PRKAA1: variants seen among roughly 807,000 people sequenced by gnomAD.
PRKAA1 encodes the protein 5'-AMP-activated protein kinase catalytic subunit alpha-1.
PRKAA1 carries 23 observed loss-of-function variants against 56.9 expected under a neutral mutation model. The observed-to-expected ratio is 0.40, with a 90% CI of 0.29 to 0.57. The LOEUF is 0.57. PRKAA1 is among the 20% of genes least tolerant of loss of function. The pLI is 0.39. For missense variants in PRKAA1, 413 were observed against 679.7 expected (o/e 0.61, Z 4.36); for synonymous variants, 226 against 227.0 (o/e 1.00, Z 0.04).
intron 2 of PRKAA1, 118 bp downstream of exon 2, chr5:40,777,327 T>A (rs1744056847): frequency 8.1e-7 from 1 of 1,231,888 alleles, no homozygotes; most frequent in Non-Finnish European, 1.1e-6. Flanking sequence ...AAGAAACTTT[T>A]CAAAACCCTT....
intron 1 of PRKAA1, among the ~76,000 whole-genome samples, chr5:40,796,111 G>A (rs1466604542): frequency 2.6e-5 from 4 of 152,158 alleles, no homozygotes; most frequent in African/African-American, 4.8e-5. Flanking sequence ...GAGGTCAGGA[G>A]TTCGAGACCA....
intron 4 of PRKAA1, among the ~76,000 whole-genome samples, chr5:40,770,926 T>G (rs912113261): frequency 4.6e-5 from 7 of 152,066 alleles, no homozygotes; most frequent in African/African-American, 1.7e-4. Context: ...AAATGTTCTT[T>G]AAACAAATTA....
At chr5:40,787,667 G>C (rs1466241716) in intron 1 of PRKAA1, among the ~76,000 whole-genome samples, 1 of 151,448 alleles carries the variant, frequency 6.6e-6, no homozygotes, top group Admixed American at 6.6e-5. Context: ...TAAGCCACAG[G>C]GTAACTACAA....
chr5:40,790,632 G>A (rs537398036), intron 1 of PRKAA1, among the ~76,000 whole-genome samples: 60 of 151,516 alleles, frequency 4.0e-4, no homozygotes, highest in African/African-American at 1.3e-3. Flanking sequence ...CTCTGCCTCC[G>A]GGGTTCAAGC....
chr5:40,768,479 C>T, intron 5 of PRKAA1: 4 of 928,622 alleles, frequency 4.3e-6, no homozygotes, highest in Non-Finnish European at 5.1e-6. Flanking sequence ...TTAAGATAGA[C>T]AACACCATTT....
At chr5:40,785,849 G>GAA (rs1744454341) in intron 1 of PRKAA1, among the ~76,000 whole-genome samples, 2 of 28,778 alleles carry the variant, frequency 6.9e-5, no homozygotes, top group East Asian at 8.2e-4. Flanking sequence ...CAGAGAGAGA[G>GAA]AGAGAGAGAG....
chr5:40,786,719 G>T (rs528037181), intron 1 of PRKAA1, among the ~76,000 whole-genome samples: 1 of 138,080 alleles, frequency 7.2e-6, no homozygotes, highest in African/African-American at 2.7e-5. Context: ...GGCAGGCAGA[G>T]CACTTGAGGT....
At position 40,762,449 on chromosome 5, in the gene PRKAA1, A is replaced by C; in HGVS notation, c.*329T>G. The C allele has an allele frequency of 4.5e-6, 1 of 223,098 alleles. No individual in the cohort carries two copies. Among genetic ancestry groups the C allele is most frequent in the East Asian group, 1.0e-4 (1 of 9,630 alleles). 13.8% of individuals were successfully genotyped at this position (223,098 alleles called of 1,614,324 possible). A position where few individuals can be genotyped will look rare whatever the true frequency, so the allele number is the denominator to read the frequency against. On this transcript the variant is annotated 3_prime_UTR_variant, in exon 9 of 9. Coordinates refer to ENST00000397128, the MANE Select transcript of PRKAA1 (RefSeq NM_006251.6). ...AACACGTAATATATAACACGTAATAATATATGAAGGCCTTTATGTAAATTA... is the reference window on the plus strand; with the variant it reads ...AACACGTAATATATAACACGTAATACTATATGAAGGCCTTTATGTAAATTA...
Position 40,764,788 on chromosome 5 carries a change from T to C in PRKAA1, c.1272A>G (p.Val424=), listed in dbSNP as rs746513733. 6.2e-7 allele frequency: 1 copy of C among 1,613,928 alleles called. No individual in the cohort carries two copies. Among genetic ancestry groups the C allele is most frequent in the Non-Finnish European group, 8.5e-7 (1 of 1,179,772 alleles). Residue 424 remains valine, a synonymous_variant, in exon 7 of 9, where the codon GTA becomes GTG. Transcript: ENST00000397128. ...QSRPNDIMAE[V]CRAIKQLDYE... ...AATCCAATTGTTTGATTGCTCTACA[T>C]ACTTCTGCCATAATATCATTTGGTC...
At position 40,762,977 on chromosome 5, in the gene PRKAA1, G is replaced by A. The variant is rs377722592; in HGVS notation, c.1481C>T (p.Ser494Leu). ...AGATCGATAGTTGCTAACTGATCCC[G>A]ATCTCTGTGGAGTAGCAGTCCCTGA... is the stretch of plus-strand genomic sequence containing the variant. The part of the protein sequence containing the change: ...AKSGTATPQR[S>L]GSVSNYRSCQ... Residue 494 changes from serine (S) to leucine (L), a missense_variant, in exon 9 of 9, where the codon TCG becomes TTG. Physicochemically the swap from Ser to Leu is moderately radical, Grantham distance 145. Around this residue, in one of 9 missense-constraint regions of PRKAA1, gnomAD observed 139 missense variants for 171.5 expected, o/e 0.81. Coordinates refer to ENST00000397128, the MANE Select transcript of PRKAA1 (RefSeq NM_006251.6). 8.5e-5 allele frequency: 137 copies of A among 1,613,910 alleles called. No individual in the cohort carries two copies. Among genetic ancestry groups the A allele is most frequent in the Non-Finnish European group, 1.1e-4 (128 of 1,179,950 alleles).
At chr5:40,768,889 C>T (rs1442474959) in intron 5 of PRKAA1, 3 of 1,563,732 alleles carry the variant, frequency 1.9e-6, no homozygotes, top group Non-Finnish European at 2.6e-6. Flanking sequence ...GTTCTCAATG[C>T]TGGTAGTTAG....
chr5:40,798,008 C>G (rs2112121490), intron 1 of PRKAA1, 55 bp downstream of exon 1: 1 of 1,590,236 alleles, frequency 6.3e-7, no homozygotes, highest in South Asian at 1.1e-5. Flanking sequence ...GTGCGGAAAG[C>G]GGAAGTCGTG....
intron 8 of PRKAA1, among the ~76,000 whole-genome samples, chr5:40,763,424 A>G (rs1743285707): frequency 6.6e-6 from 1 of 152,218 alleles, no homozygotes; most frequent in African/African-American, 2.4e-5. Flanking sequence ...CACTTTATTG[A>G]TAAGAAAACA....
chr5:40,787,860 T>C lies in PRKAA1; in HGVS notation c.127+10203A>G, dbSNP rs143236094. 4.6e-3 allele frequency among the ~76,000 whole-genome samples: 696 copies of C among 152,278 alleles called. 9 individuals are homozygous for C. The highest frequency in any genetic ancestry group is 0.016 in the African/African-American group (669 of 41,554). On this transcript the variant is annotated intron_variant, in intron 1 of 8. Transcript: ENST00000397128. ...CTTACCTATCAATAATTACTTCCAA[T>C]GTAAACAGATTAAATTCTCCAAACA...
At position 40,797,166 on chromosome 5, in the gene PRKAA1, G is replaced by A. The variant is rs186445608; in HGVS notation, c.127+897C>T. 5.0e-3 allele frequency among the ~76,000 whole-genome samples: 764 copies of A among 152,252 alleles called. 8 individuals are homozygous for A. Among genetic ancestry groups the A allele is most frequent in the African/African-American group, 0.017 (722 of 41,536 alleles). On this transcript the variant is annotated intron_variant, in intron 1 of 8. Coordinates refer to ENST00000397128, the MANE Select transcript of PRKAA1 (RefSeq NM_006251.6). ...GATGAACTGCATAGTGGTGAAGTCT[G>A]GGCTTTTAGTGTACCCGTCACCCGA...
At chr5:40,785,762 CTTACTGGA>C (rs1744441656) in intron 1 of PRKAA1, among the ~76,000 whole-genome samples, 1 of 151,316 alleles carries the variant, frequency 6.6e-6, no homozygotes. Context: ...AAGATGAAAT[CTTACTGGA>C]TTTAGGGTGA....
At chr5:40,785,026 AC>A (rs111734596) in intron 1 of PRKAA1, among the ~76,000 whole-genome samples, 10 of 152,346 alleles carry the variant, frequency 6.6e-5, no homozygotes, top group African/African-American at 2.4e-4. Flanking sequence ...AAAAGAATAG[AC>A]TGAATTCCTT....
chr5:40,774,329 T>A (rs1743888219), intron 3 of PRKAA1, among the ~76,000 whole-genome samples: 1 of 152,174 alleles, frequency 6.6e-6, no homozygotes, highest in African/African-American at 2.4e-5. Context: ...ATCCTCAGAC[T>A]AGGTTATTAT....
chr5:40,785,738 T>C (rs1744440122), intron 1 of PRKAA1, among the ~76,000 whole-genome samples: 1 of 152,012 alleles, frequency 6.6e-6, no homozygotes, highest in Non-Finnish European at 1.5e-5. Context: ...CAGACGTGAC[T>C]AGTGAAGGAT....
Sources: allele counts gnomAD v4.1 joint callset (sites outside exome capture counted in the v4.1 genomes callset), GRCh38; gene constraint gnomAD v4.1.1; regional missense constraint gnomAD v4.1.1; transcripts MANE v1.5; gene names NCBI Gene and HGNC (gene_info 2026-07-23, HGNC 2026-07-21).